The following CORT variants were observed in gnomAD, a reference collection of about 807,000 sequenced individuals.
CORT encodes cortistatin.
CORT carries 2 observed loss-of-function variants against 4.4 expected under a neutral mutation model. The ratio of observed to expected loss-of-function variants is 0.46; its 90% CI spans 0.19 to 1.44. The LOEUF is 1.44. CORT is among the 40% of genes most tolerant of loss of function. CORT has a pLI of 0.26. For synonymous variants in CORT, 72 were observed against 62.0 expected (o/e 1.16, Z -0.75); for missense variants, 158 against 140.2 (o/e 1.13, Z -0.64).
At position 10,450,265 on chromosome 1, in the gene CORT, G is replaced by A. The variant is rs1640740743; in HGVS notation, c.42G>A (p.Gly14=). 6.4e-7 allele frequency: 1 copy of A among 1,566,870 alleles called. No individual in the cohort carries two copies. The highest frequency in any genetic ancestry group is 8.6e-7 in the Non-Finnish European group (1 of 1,156,328). ...GCCTCCTGCTGCTGCTGCTCTCCGGGGCCACGGCCACCGCTGCCCTGCCCC... is the reference window on the plus strand; with the variant it reads ...GCCTCCTGCTGCTGCTGCTCTCCGGAGCCACGGCCACCGCTGCCCTGCCCC... ...SPGLLLLLLS[G]ATATAALPLE... is the part of the protein sequence containing the mutation. Residue 14 remains glycine (G), a synonymous_variant, in exon 1 of 2, where the codon GGG becomes GGA. Coordinates refer to ENST00000377049, the MANE Select transcript of CORT (RefSeq NM_001302.5).
Position 10,450,310 on chromosome 1 carries a change from C to A in CORT, c.87C>A (p.Gly29=). 1 of 1,513,936 alleles carries A rather than the reference C, an allele frequency of 6.6e-7. No individual in the cohort carries two copies. Among genetic ancestry groups the A allele is most frequent in the South Asian group, 1.4e-5 (1 of 73,974 alleles). 93.8% of individuals were successfully genotyped at this position (1,513,936 alleles called of 1,614,324 possible). The change falls in exon 1 of 2, where the codon GGC becomes GGA. Residue 29 remains glycine, a synonymous_variant. Coordinates refer to ENST00000377049, the MANE Select transcript of CORT (RefSeq NM_001302.5). ...AALPLEGGPT[G]RDSEHMQEAA... ...TGCCCCTGGAGGGTGGCCCCACCGG[C>A]CGAGACAGCGAGGTGAGTACAGTCC...
Position 10,451,421 on chromosome 1 carries a change from T to C in CORT, c.144T>C (p.Thr48=). 4 of 1,613,618 alleles carry C rather than the reference T, an allele frequency of 2.5e-6. No individual in the cohort carries two copies. Among genetic ancestry groups the C allele is most frequent in the Non-Finnish European group, 3.4e-6 (4 of 1,179,686 alleles). ...GAATAAGGAAAAGCAGCCTCCTGAC[T>C]TTCCTCGCTTGGTGGTTTGAGTGGA... The part of the protein sequence containing the change: ...AAGIRKSSLL[T]FLAWWFEWTS... Residue 48 remains threonine (T), a synonymous_variant, in exon 2 of 2, where the codon ACT becomes ACC. Transcript: ENST00000377049.
At chr1:10,451,315 G>A in intron 1 of CORT, 62 bp from the exon 2 acceptor site, 1 of 1,473,914 alleles carries the variant, frequency 6.8e-7, no homozygotes, top group Non-Finnish European at 9.0e-7. Flanking sequence ...ATCTTTGAAT[G>A]CTTGCTGCCT....
chr1:10,450,262 C>A lies in CORT; in HGVS notation c.39C>A (p.Ser13=). The A allele has an allele frequency of 6.4e-7, 1 of 1,568,332 alleles. No homozygotes were observed. The highest frequency in any genetic ancestry group is 8.6e-7 in the Non-Finnish European group (1 of 1,157,230). Residue 13 remains serine, a synonymous_variant, in exon 1 of 2, where the codon TCC becomes TCA. Transcript: ENST00000377049. The stretch of plus-strand genomic sequence containing the variant: ...CCGGCCTCCTGCTGCTGCTGCTCTC[C>A]GGGGCCACGGCCACCGCTGCCCTGC... ...LSPGLLLLLL[S]GATATAALPL...
At position 10,450,050 on chromosome 1, in the gene CORT, G is replaced by A. The variant is rs749206441; in HGVS notation, c.-174G>A. 6.6e-7 allele frequency: 1 copy of A among 1,514,404 alleles called. No homozygotes were observed. Among genetic ancestry groups the A allele is most frequent in the Non-Finnish European group, 8.9e-7 (1 of 1,125,496 alleles). 93.8% of individuals were successfully genotyped at this position (1,514,404 alleles called of 1,614,324 possible). A position where few individuals can be genotyped will look rare whatever the true frequency, so the allele number is the denominator to read the frequency against. On this transcript the variant is annotated 5_prime_UTR_variant, in exon 1 of 2. Coordinates refer to ENST00000377049, the MANE Select transcript of CORT (RefSeq NM_001302.5). ...TTCTGCGTCACTGCGCGAGGGAAGA[G>A]GGAAGAGGATCCAGGCGTTAGACAT...
intron 1 of CORT, among the ~76,000 whole-genome samples, chr1:10,450,999 C>A (rs1448857162): frequency 6.6e-6 from 1 of 152,126 alleles, no homozygotes; most frequent in African/African-American, 2.4e-5. Context: ...TTAGCCTGAT[C>A]CAACTCCGGG....
chr1:10,451,544 C>A lies in CORT; in HGVS notation c.267C>A (p.Asp89Glu), dbSNP rs754668122. ...CCCCCCAGCAATCTGCGCGCCGGGA[C>A]AGAATGCCCTGCAGGAACTTCTTCT... ...GAPPQQSARR[D>E]RMPCRNFFWK... is the part of the protein sequence containing the mutation. The change falls in exon 2 of 2, where the codon GAC (aspartate) becomes GAA (glutamate). Residue 89 changes from aspartate to glutamate, a missense_variant. Transcript: ENST00000377049. The A allele has an allele frequency of 6.2e-7, 1 of 1,613,964 alleles. No homozygotes were observed. The highest frequency in any genetic ancestry group is 1.1e-5 in the South Asian group (1 of 91,054).
intron 1 of CORT, among the ~76,000 whole-genome samples, chr1:10,451,146 ATTTC>A (rs1380755483): frequency 2.0e-5 from 3 of 152,140 alleles, no homozygotes; most frequent in Non-Finnish European, 4.4e-5. Context: ...AATTAAAGCA[ATTTC>A]TTTAAGGTAT....
rs199777356 is a variant in CORT at position 10,451,504 on chromosome 1, G to A, written c.227G>A (p.Arg76Gln). Residue 76 changes from arginine to glutamine, a missense_variant, in exon 2 of 2, where the codon CGG (arginine) becomes CAG (glutamine). Physicochemically the swap from Arg to Gln is conservative, Grantham distance 43. Coordinates refer to ENST00000377049, the MANE Select transcript of CORT (RefSeq NM_001302.5). Reference protein sequence around the residue: ...IGEEAREVARRQEGAPPQQSA... With the variant: ...IGEEAREVARQQEGAPPQQSA... ...GAGGAAGCCCGGGAGGTGGCCAGGC[G>A]GCAGGAAGGCGCACCCCCCCAGCAA... 372 of 1,613,910 alleles carry A rather than the reference G, an allele frequency of 2.3e-4. No individual in the cohort carries two copies. The highest frequency in any genetic ancestry group is 2.9e-4 in the Non-Finnish European group (341 of 1,180,002).
rs1302134351 is a variant in CORT, at chr1:10,451,672, C to T, written c.*77C>T. 4 of 1,472,614 alleles carry T rather than the reference C, an allele frequency of 2.7e-6. No individual in the cohort carries two copies. The highest frequency in any genetic ancestry group is 2.5e-5 in the Admixed American group (1 of 40,176). 91.2% of individuals were successfully genotyped at this position (1,472,614 alleles called of 1,614,324 possible). The stretch of plus-strand genomic sequence containing the variant: ...GTATTAAGCAGCAGTGATCTTTCCT[C>T]TCCTCCTTCCCAAGTCATTTGAAAA... On this transcript the variant is annotated 3_prime_UTR_variant, in exon 2 of 2. Coordinates refer to ENST00000377049, the MANE Select transcript of CORT (RefSeq NM_001302.5).
chr1:10,451,453 A>T lies in CORT; in HGVS notation c.176A>T (p.Gln59Leu), dbSNP rs1339978674. The T allele has an allele frequency of 6.2e-7, 1 of 1,614,090 alleles. No individual in the cohort carries two copies. The highest frequency in any genetic ancestry group is 8.5e-7 in the Non-Finnish European group (1 of 1,179,978). The change falls in exon 2 of 2, where the codon CAG (glutamine) becomes CTG (leucine). Residue 59 changes from glutamine (Q) to leucine (L), a missense_variant. By Grantham distance (113) the Gln-to-Leu change is moderately radical. Transcript: ENST00000377049. ...GCTTGGTGGTTTGAGTGGACCTCCC[A>T]GGCCAGTGCCGGGCCCCTCATAGGA... is the stretch of plus-strand genomic sequence containing the variant. ...FLAWWFEWTS[Q>L]ASAGPLIGEE...
chr1:10,451,493 G>C lies in CORT; in HGVS notation c.216G>C (p.Glu72Asp). Residue 72 changes from glutamate (E) to aspartate (D), a missense_variant, in exon 2 of 2, where the codon GAG (glutamate) becomes GAC (aspartate). Transcript: ENST00000377049. ...CCCTCATAGGAGAGGAAGCCCGGGA[G>C]GTGGCCAGGCGGCAGGAAGGCGCAC... is the stretch of plus-strand genomic sequence containing the variant. ...AGPLIGEEAR[E>D]VARRQEGAPP... The C allele has an allele frequency of 1.9e-6, 3 of 1,614,096 alleles. No individual in the cohort carries two copies. The highest frequency in any genetic ancestry group is 2.5e-6 in the Non-Finnish European group (3 of 1,180,014).
chr1:10,450,124 C>T lies in CORT; in HGVS notation c.-100C>T, dbSNP rs554414328. 1.1e-5 allele frequency: 18 copies of T among 1,607,758 alleles called. 1 individual carries two copies. In the South Asian group the frequency reaches 1.9e-4, roughly 17 times the overall value. ...GATTGGGCTTAAAATACCCACCAAG[C>T]TCCAAAGAAGAGACCCAAGTCCCCA... On this transcript the variant is annotated 5_prime_UTR_variant, in exon 1 of 2. Transcript: ENST00000377049.
chr1:10,450,217 C>T lies in CORT; in HGVS notation c.-7C>T, dbSNP rs760232306. 6.2e-7 allele frequency: 1 copy of T among 1,605,352 alleles called. No individual in the cohort carries two copies. The highest frequency in any genetic ancestry group is 8.5e-7 in the Non-Finnish European group (1 of 1,175,918). On this transcript the variant is annotated 5_prime_UTR_variant, in exon 1 of 2. Coordinates refer to ENST00000377049, the MANE Select transcript of CORT (RefSeq NM_001302.5). The stretch of plus-strand genomic sequence containing the variant: ...GGGTGGGAGAGAAGCTCCAGTCAGC[C>T]CACAAGATGCCATTGTCCCCCGGCC...
At chr1:10,451,234 T>A (rs987641902) in intron 1 of CORT, 143 bp from the exon 2 acceptor site, 1 of 1,119,120 alleles carries the variant, frequency 8.9e-7, no homozygotes, top group Non-Finnish European at 1.2e-6. Context: ...TTCATTTTAA[T>A]ATTTTCTTTC....
At chr1:10,450,361 CTCTG>C (rs1640745914) in intron 1 of CORT, 39 bp downstream of exon 1, 4 of 1,440,340 alleles carry the variant, frequency 2.8e-6, no homozygotes, top group African/African-American at 1.4e-5. Flanking sequence ...CTAGCCCACT[CTCTG>C]TCTCTTGTTG....
At chr1:10,451,236 TTTTC>T in intron 1 of CORT, 137 bp from the exon 2 acceptor site, 1 of 1,130,158 alleles carries the variant, frequency 8.8e-7, no homozygotes, top group Non-Finnish European at 1.2e-6. Context: ...CATTTTAATA[TTTTC>T]TTTCTCTTTT....
chr1:10,451,848 T>C lies in CORT; in HGVS notation c.*253T>C. The C allele has an allele frequency of 2.4e-6, 1 of 419,352 alleles. No individual in the cohort carries two copies. The highest frequency in any genetic ancestry group is 4.1e-6 in the Non-Finnish European group (1 of 246,558). 26.0% of individuals were successfully genotyped at this position (419,352 alleles called of 1,614,324 possible). ...TGGGCTTTTCTTCTGATGTTCATTATGGTGCTGGGAAGCTCTGTCTTTGAT... is the reference window on the plus strand; with the variant it reads ...TGGGCTTTTCTTCTGATGTTCATTACGGTGCTGGGAAGCTCTGTCTTTGAT... On this transcript the variant is annotated 3_prime_UTR_variant, in exon 2 of 2. Transcript: ENST00000377049.
intron 1 of CORT, 61 bp downstream of exon 1, chr1:10,450,383 G>A (rs1640746748): frequency 7.1e-7 from 1 of 1,417,922 alleles, no homozygotes; most frequent in Non-Finnish European, 9.2e-7. Context: ...TTGGCTTTTT[G>A]GCCTGCATGG....
Sources: gnomAD v4.1 joint callset for allele counts (sites outside exome capture counted in the v4.1 genomes callset) on GRCh38, gnomAD v4.1.1 for gene constraint, MANE v1.5 for transcripts, NCBI Gene and HGNC (gene_info 2026-07-23, HGNC 2026-07-21) for gene names.